Variants in RUNX2 observed in about 807,000 individuals in gnomAD.
RUNX2 encodes the protein runt-related transcription factor 2.
RUNX2 carries 10 observed loss-of-function variants against 51.7 expected under a neutral mutation model. The observed-to-expected ratio is 0.19, with a 90% CI of 0.12 to 0.33. The LOEUF is 0.33. RUNX2 is among the 10% of genes least tolerant of loss of function. The pLI is 1.00. For synonymous variants in RUNX2, 276 were observed against 273.6 expected (o/e 1.01, Z -0.09); for missense variants, 562 against 691.3 (o/e 0.81, Z 2.10).
intron 6 of RUNX2, among the ~76,000 whole-genome samples, chr6:45,503,101 G>A (rs1800847625): frequency 6.6e-6 from 1 of 152,100 alleles, no homozygotes; most frequent in African/African-American, 2.4e-5. Context: ...TACTACCTTA[G>A]AGAAGCTTTC....
chr6:45,437,397 C>A (rs17288411), intron 4 of RUNX2, among the ~76,000 whole-genome samples: 16,215 of 152,094 alleles, frequency 0.11, 1,096 homozygotes, highest in Non-Finnish European at 0.14. Flanking sequence ...AGGCACATTA[C>A]GGCCAGGACA....
At chr6:45,365,291 G>A (rs146820226) in intron 2 of RUNX2, 41 of 1,605,522 alleles carry the variant, frequency 2.6e-5, no homozygotes, top group East Asian at 2.2e-4. Context: ...ACTAGCTGCC[G>A]TATTATTCAT....
In RUNX2 at chr6:45,380,441, G is replaced by C. The variant is rs1797212040; in HGVS notation, c.59-42152G>C. On this transcript the variant is annotated intron_variant, in intron 2 of 8. Coordinates refer to ENST00000647337, the MANE Select transcript of RUNX2 (RefSeq NM_001024630.4). The stretch of plus-strand genomic sequence containing the variant: ...ATTCACGTAGACTCACTAGTGCAAA[G>C]AGAAAGTGCATGTATCTAAGTAAAA... Among the ~76,000 whole-genome samples the C allele has an allele frequency of 2.0e-5, 3 of 152,330 alleles. No homozygotes were observed. In the South Asian group the frequency reaches 6.2e-4, roughly 32 times the overall value.
intron 2 of RUNX2, among the ~76,000 whole-genome samples, chr6:45,363,216 G>T (rs1441676488): frequency 2.6e-5 from 4 of 152,106 alleles, no homozygotes; most frequent in Non-Finnish European, 4.4e-5. Flanking sequence ...ATAAGCCTGG[G>T]TATGGTACAG....
intron 2 of RUNX2, among the ~76,000 whole-genome samples, chr6:45,376,220 T>C (rs1796753878): frequency 6.6e-6 from 1 of 152,210 alleles, no homozygotes; most frequent in African/African-American, 2.4e-5. Flanking sequence ...AACAGACCCA[T>C]GGTCTGAACT....
chr6:45,539,916 T>G (rs987314007), intron 7 of RUNX2, among the ~76,000 whole-genome samples: 4 of 152,236 alleles, frequency 2.6e-5, no homozygotes, highest in South Asian at 2.1e-4. Flanking sequence ...GTAAGATTTA[T>G]CTACATAAAT....
chr6:45,472,948 T>C (rs2150394495), intron 5 of RUNX2, among the ~76,000 whole-genome samples: 1 of 152,306 alleles, frequency 6.6e-6, no homozygotes, highest in East Asian at 1.9e-4. Flanking sequence ...TTTAGTCGTC[T>C]GAAAGGGAGA....
At chr6:45,455,938 A>G (rs1178533350) in intron 5 of RUNX2, among the ~76,000 whole-genome samples, 1 of 152,144 alleles carries the variant, frequency 6.6e-6, no homozygotes, top group Admixed American at 6.6e-5. Context: ...GATAATTTAG[A>G]TTATGTGGAA....
At chr6:45,480,389 A>T (rs534526429) in intron 5 of RUNX2, among the ~76,000 whole-genome samples, 1 of 152,230 alleles carries the variant, frequency 6.6e-6, no homozygotes, top group Admixed American at 6.5e-5. Context: ...TATTTCAAAG[A>T]CGTCTCTTGT....
At chr6:45,491,503 G>A (rs922550227) in intron 5 of RUNX2, among the ~76,000 whole-genome samples, 5 of 151,878 alleles carry the variant, frequency 3.3e-5, no homozygotes, top group South Asian at 2.1e-4. Flanking sequence ...GTGTTTGTCC[G>A]TGTCTCTGCT....
At chr6:45,422,495 C>A in intron 2 of RUNX2, 98 bp from the exon 3 acceptor site, 1 of 444,342 alleles carries the variant, frequency 2.3e-6, no homozygotes, top group Admixed American at 3.7e-5. Context: ...GTCTCGCCTT[C>A]ACCCCCCCAA....
chr6:45,510,032 T>C (rs1301803998), intron 6 of RUNX2, among the ~76,000 whole-genome samples: 1 of 152,254 alleles, frequency 6.6e-6, no homozygotes, highest in Non-Finnish European at 1.5e-5. Flanking sequence ...ACTGCTTTCC[T>C]GTGCTGTAAG....
intron 2 of RUNX2, among the ~76,000 whole-genome samples, chr6:45,369,867 A>G (rs1243983117): frequency 6.6e-6 from 1 of 152,198 alleles, no homozygotes; most frequent in Non-Finnish European, 1.5e-5. Flanking sequence ...GGCATTTAAT[A>G]TAAGATCTGG....
chr6:45,393,577 C>T (rs1797519592), intron 2 of RUNX2, among the ~76,000 whole-genome samples: 1 of 151,762 alleles, frequency 6.6e-6, no homozygotes, highest in Admixed American at 6.6e-5. Flanking sequence ...CTGCAGGCGC[C>T]CGCCACCACC....
At chr6:45,535,688 A>C (rs949467477) in intron 7 of RUNX2, among the ~76,000 whole-genome samples, 14 of 152,242 alleles carry the variant, frequency 9.2e-5, no homozygotes, top group Admixed American at 3.3e-4. Flanking sequence ...TGTGGGCTAA[A>C]GCAGGAATAT....
chr6:45,402,926 T>C (rs1362402416), intron 2 of RUNX2, among the ~76,000 whole-genome samples: 1 of 152,214 alleles, frequency 6.6e-6, no homozygotes, highest in Non-Finnish European at 1.5e-5. Context: ...ATCTATTTAA[T>C]AGTCCCTTTT....
chr6:45,447,052 C>T (rs888276062), intron 5 of RUNX2, among the ~76,000 whole-genome samples: 4 of 152,238 alleles, frequency 2.6e-5, no homozygotes, highest in Non-Finnish European at 5.9e-5. Flanking sequence ...TAAACCCAAG[C>T]ACCCCTGGAA....
At chr6:45,397,388 C>T (rs1234432759) in intron 2 of RUNX2, among the ~76,000 whole-genome samples, 7 of 152,058 alleles carry the variant, frequency 4.6e-5, no homozygotes, top group Admixed American at 2.0e-4. Flanking sequence ...GGATTACAGG[C>T]GTGAGCAACC....
At chr6:45,391,045 TG>T (rs1797458470) in intron 2 of RUNX2, among the ~76,000 whole-genome samples, 11 of 152,234 alleles carry the variant, frequency 7.2e-5, no homozygotes, top group Admixed American at 7.2e-4. Context: ...ATGTGATCCC[TG>T]TCCTAGAGAA....
Sources: gnomAD v4.1 joint callset for allele counts (sites outside exome capture counted in the v4.1 genomes callset) on GRCh38, gnomAD v4.1.1 for gene constraint, MANE v1.5 for transcripts, NCBI Gene and HGNC (gene_info 2026-07-23, HGNC 2026-07-21) for gene names.